Variants in PAGE2B observed in about 807,000 individuals in gnomAD.
PAGE2B encodes the protein PAGE family member 2B, also known as putative G antigen family E member 3.
Under a neutral mutation model 7.6 loss-of-function variants are expected in PAGE2B, and 5 were observed. The observed-to-expected ratio is 0.66, with a 90% CI of 0.34 to 1.38. The LOEUF (loss-of-function observed/expected upper bound fraction) is 1.38. Ranked by LOEUF, PAGE2B falls within the 40% of genes most tolerant of loss-of-function variation. The pLI is 0.04. For synonymous variants in PAGE2B, 29 were observed against 26.7 expected (o/e 1.09, Z -0.27); for missense variants, 70 against 78.4 (o/e 0.89, Z 0.41).
chrX:55,051,023 G>A, the PAGE2B span, among the ~76,000 whole-genome samples: 3 of 111,131 alleles, frequency 2.7e-5, no homozygotes, highest in East Asian at 2.8e-4. Flanking sequence ...AAATCTGTCC[G>A]CTTTTGCTTG....
At chrX:55,058,830 T>C in the PAGE2B span, among the ~76,000 whole-genome samples, 1 of 110,985 alleles carries the variant, frequency 9.0e-6, no homozygotes. Flanking sequence ...GAGAACAGTC[T>C]GGAGTGTTAG....
At chrX:55,061,939 A>G in the PAGE2B span, among the ~76,000 whole-genome samples, 3 of 111,846 alleles carry the variant, frequency 2.7e-5, no homozygotes, top group Non-Finnish European at 5.7e-5. Flanking sequence ...CATTCGTTTT[A>G]TGGCTGAATA....
the PAGE2B span, among the ~76,000 whole-genome samples, chrX:55,052,703 C>A: frequency 8.8e-6 from 1 of 113,048 alleles, no homozygotes; most frequent in Non-Finnish European, 1.9e-5. Flanking sequence ...CAGGTGCCAT[C>A]TGTCACCCCT....
At chrX:55,065,336 G>GA in the PAGE2B span, among the ~76,000 whole-genome samples, 1 of 111,352 alleles carries the variant, frequency 9.0e-6, no homozygotes, top group Non-Finnish European at 1.9e-5. Flanking sequence ...TCTTTGTCTT[G>GA]AAATGTATTT....
At chrX:55,063,161 T>C in the PAGE2B span, among the ~76,000 whole-genome samples, 1 of 111,545 alleles carries the variant, frequency 9.0e-6, no homozygotes, top group Non-Finnish European at 1.9e-5. Context: ...TTGATAGGGA[T>C]TGCATCAAAT....
chrX:55,061,369 T>C, the PAGE2B span, among the ~76,000 whole-genome samples: 1 of 110,948 alleles, frequency 9.0e-6, no homozygotes, highest in East Asian at 2.8e-4. Flanking sequence ...ACCTGATAGG[T>C]AGTTTTTCAA....
chrX:55,034,802 A>G, the PAGE2B span, among the ~76,000 whole-genome samples: 1 of 108,344 alleles, frequency 9.2e-6, no homozygotes, highest in Non-Finnish European at 1.9e-5. Flanking sequence ...ATATTTATGT[A>G]TATATATACA....
At chrX:55,074,990 C>G (rs1936488192), upstream of PAGE2B, 1 of 114,198 alleles carries the variant, frequency 8.8e-6, no homozygotes, top group Admixed American at 9.2e-5. Context: ...ATGTCTGTTG[C>G]TACACGTGTC....
At chrX:55,059,376 G>A in the PAGE2B span, among the ~76,000 whole-genome samples, 5 of 111,326 alleles carry the variant, frequency 4.5e-5, no homozygotes, top group South Asian at 3.7e-4. Context: ...TAAAGGTTTC[G>A]TTTTTACTTA....
At chrX:55,076,437 C>CAT in intron 2 of PAGE2B, 132 bp from the exon 3 acceptor site, 1 of 586,578 alleles carries the variant, frequency 1.7e-6, no homozygotes, top group Non-Finnish European at 2.6e-6. Context: ...TGTATATATA[C>CAT]ATATATGTAT....
the PAGE2B span, among the ~76,000 whole-genome samples, chrX:55,041,384 A>G: frequency 4.5e-5 from 5 of 111,596 alleles, no homozygotes; most frequent in African/African-American, 1.6e-4. Flanking sequence ...CCCGGCCTCA[A>G]TAATTCTTAT....
At chrX:55,034,254 T>C in the PAGE2B span, among the ~76,000 whole-genome samples, 1 of 111,990 alleles carries the variant, frequency 8.9e-6, no homozygotes, top group Non-Finnish European at 1.9e-5. Flanking sequence ...CATGTAAGAT[T>C]GGTCTATAGT....
chrX:55,054,755 G>A, the PAGE2B span, among the ~76,000 whole-genome samples: 7 of 111,814 alleles, frequency 6.3e-5, no homozygotes, highest in Non-Finnish European at 1.1e-4. Context: ...TAAGCATTGT[G>A]TTGAGTGGTC....
chrX:55,061,712 C>T, the PAGE2B span, among the ~76,000 whole-genome samples: 7 of 110,942 alleles, frequency 6.3e-5, no homozygotes, highest in Admixed American at 3.9e-4. Context: ...TATATTTTTG[C>T]GCCCATTAAC....
the PAGE2B span, among the ~76,000 whole-genome samples, chrX:55,048,375 A>G: frequency 8.9e-6 from 1 of 111,774 alleles, no homozygotes; most frequent in Non-Finnish European, 1.9e-5. Flanking sequence ...GATGGCATTG[A>G]ATCTATAAAT....
chrX:55,060,100 G>A, the PAGE2B span, among the ~76,000 whole-genome samples: 1 of 111,637 alleles, frequency 9.0e-6, no homozygotes, highest in African/African-American at 3.2e-5. Context: ...AATGAACATG[G>A]AAGTGCAGGT....
the PAGE2B span, among the ~76,000 whole-genome samples, chrX:55,064,508 C>A: frequency 9.0e-6 from 1 of 111,266 alleles, no homozygotes; most frequent in African/African-American, 3.3e-5. Flanking sequence ...CTTTCTGTTT[C>A]ATTGATCTTT....
the PAGE2B span, among the ~76,000 whole-genome samples, chrX:55,069,827 C>T: frequency 2.7e-5 from 3 of 111,570 alleles, no homozygotes; most frequent in East Asian, 2.8e-4. Context: ...AGTTTATTTG[C>T]GTAGAGGTGT....
At chrX:55,065,565 TAC>T in the PAGE2B span, among the ~76,000 whole-genome samples, 4 of 111,860 alleles carry the variant, frequency 3.6e-5, no homozygotes, top group Non-Finnish European at 7.5e-5. Context: ...AGTAAGATCT[TAC>T]TCCTGCCATT....
Sources: allele counts gnomAD v4.1 joint callset (sites outside exome capture counted in the v4.1 genomes callset), GRCh38; gene constraint gnomAD v4.1.1; transcripts MANE v1.5; gene names NCBI Gene and HGNC (gene_info 2026-07-23, HGNC 2026-07-21).